GAB2: variants seen among roughly 807,000 people sequenced by gnomAD.
The protein encoded by GAB2 is GRB2 associated binding protein 2.
GAB2 carries 26 observed loss-of-function variants against 65.5 expected under a neutral mutation model. The ratio of observed to expected loss-of-function variants is 0.40; its 90% CI spans 0.29 to 0.55. The LOEUF is 0.55. GAB2 is among the 20% of genes least tolerant of loss of function. The pLI, the probability that GAB2 is intolerant of heterozygous loss-of-function variation, is 0.53. For synonymous variants in GAB2, 321 were observed against 329.6 expected (o/e 0.97, Z 0.28); for missense variants, 884 against 875.8 (o/e 1.01, Z -0.12).
intron 3 of GAB2, among the ~76,000 whole-genome samples, chr11:78,240,569 A>T (rs1314819155): frequency 6.6e-6 from 1 of 151,898 alleles, no homozygotes; most frequent in Non-Finnish European, 1.5e-5. Flanking sequence ...AGCCCAAAAC[A>T]CAGCTATACT....
chr11:78,261,750 T>C (rs1056476488), intron 2 of GAB2, among the ~76,000 whole-genome samples: 2 of 152,218 alleles, frequency 1.3e-5, no homozygotes, highest in African/African-American at 4.8e-5. Flanking sequence ...GGGTGGCCTA[T>C]GCTTTATGAG....
rs552832273 is a variant in GAB2 at position 78,290,628 on chromosome 11, C to T, written c.76-9727G>A. On this transcript the variant is annotated intron_variant, in intron 1 of 9. Coordinates refer to ENST00000361507, the MANE Select transcript of GAB2 (RefSeq NM_080491.3). The stretch of plus-strand genomic sequence containing the variant: ...CTCCCTTCTGGTGACAATGAAGGCC[C>T]GTGAAAGTTTATCACACCAGGATTC... Among the ~76,000 whole-genome samples, 14 of 152,198 alleles carry T rather than the reference C, an allele frequency of 9.2e-5. No homozygotes were observed. In the South Asian group the frequency reaches 2.9e-3, roughly 32 times the overall value.
At chr11:78,305,957 C>T (rs571599312) in intron 1 of GAB2, among the ~76,000 whole-genome samples, 1 of 152,160 alleles carries the variant, frequency 6.6e-6, no homozygotes, top group Non-Finnish European at 1.5e-5. Context: ...TGTCCTTAAT[C>T]CTTCTCTGAG....
At chr11:78,409,328 T>C (rs897811866) in intron 1 of GAB2, among the ~76,000 whole-genome samples, 1 of 152,160 alleles carries the variant, frequency 6.6e-6, no homozygotes, top group Non-Finnish European at 1.5e-5. Flanking sequence ...CTCATGTCTG[T>C]AATCCCAGCA....
At chr11:78,404,805 A>C (rs1229766823) in intron 1 of GAB2, among the ~76,000 whole-genome samples, 2 of 152,266 alleles carry the variant, frequency 1.3e-5, no homozygotes, top group African/African-American at 4.8e-5. Flanking sequence ...GGGTATAAAA[A>C]TACAGTTAGA....
chr11:78,363,945 G>C (rs1347775335), intron 1 of GAB2: 1 of 151,972 alleles, frequency 6.6e-6, no homozygotes, highest in Non-Finnish European at 1.5e-5. Context: ...AGATATACAA[G>C]CCCAGTGAAA....
Position 78,220,421 on chromosome 11 carries a change from G to A in GAB2, c.1785C>T (p.Pro595=), listed in dbSNP as rs759924376. Residue 595 remains proline (P), a synonymous_variant, in exon 9 of 10, where the codon CCC becomes CCT. Transcript: ENST00000361507. ...VPMQNPVSAS[P]VPSGTNSPAP... ...CAGGACTGTTCGTGCCACTGGGAACGGGAGATGCAGACACTGGGTTTTGCT... is the reference window on the plus strand; with the variant it reads ...CAGGACTGTTCGTGCCACTGGGAACAGGAGATGCAGACACTGGGTTTTGCT... 26 of 1,585,252 alleles carry A rather than the reference G, an allele frequency of 1.6e-5. No homozygotes were observed. The Middle Eastern group carries it at 5.0e-4, about 31-fold the overall frequency.
At chr11:78,362,792 A>G (rs1856450821) in intron 1 of GAB2, among the ~76,000 whole-genome samples, 1 of 152,202 alleles carries the variant, frequency 6.6e-6, no homozygotes, top group South Asian at 2.1e-4. Flanking sequence ...TACATAAAGC[A>G]TATACATTAC....
At chr11:78,332,093 G>T (rs1408867567) in intron 1 of GAB2, among the ~76,000 whole-genome samples, 1 of 152,132 alleles carries the variant, frequency 6.6e-6, no homozygotes, top group Non-Finnish European at 1.5e-5. Context: ...CTGTGGCGGG[G>T]AACAGAACAA....
At chr11:78,406,101 T>C (rs1857040657) in intron 1 of GAB2, among the ~76,000 whole-genome samples, 1 of 152,158 alleles carries the variant, frequency 6.6e-6, no homozygotes. Flanking sequence ...ATGATATGCA[T>C]ACCCAAAAAC....
At chr11:78,272,317 A>C (rs1294971415) in intron 2 of GAB2, among the ~76,000 whole-genome samples, 1 of 152,206 alleles carries the variant, frequency 6.6e-6, no homozygotes, top group Non-Finnish European at 1.5e-5. Flanking sequence ...AACTTCCTAG[A>C]GACTTGTGAA....
chr11:78,243,123 C>G (rs995529284), intron 3 of GAB2, among the ~76,000 whole-genome samples: 2 of 150,734 alleles, frequency 1.3e-5, no homozygotes, highest in Non-Finnish European at 3.0e-5. Flanking sequence ...GATCACACCA[C>G]CGTACTCTCC....
chr11:78,299,254 T>C (rs940278988), intron 1 of GAB2, among the ~76,000 whole-genome samples: 2 of 152,236 alleles, frequency 1.3e-5, no homozygotes, highest in African/African-American at 2.4e-5. Context: ...TGTGAACTTA[T>C]GGGGGAAAAT....
chr11:78,361,854 G>A (rs1219832755), intron 1 of GAB2, among the ~76,000 whole-genome samples: 1 of 151,450 alleles, frequency 6.6e-6, no homozygotes, highest in Non-Finnish European at 1.5e-5. Flanking sequence ...ACCAGGCAAT[G>A]CCAGAAACTT....
At chr11:78,296,785 C>T (rs115541888) in intron 1 of GAB2, among the ~76,000 whole-genome samples, 1 of 152,176 alleles carries the variant, frequency 6.6e-6, no homozygotes, top group African/African-American at 2.4e-5. Context: ...AAACAAAATA[C>T]CTCAGACTGT....
chr11:78,233,834 G>A (rs984833602), intron 3 of GAB2, among the ~76,000 whole-genome samples: 5 of 152,254 alleles, frequency 3.3e-5, no homozygotes, highest in South Asian at 2.1e-4. Flanking sequence ...GGCTGGTCTC[G>A]AACTCCTGGC....
intron 1 of GAB2, among the ~76,000 whole-genome samples, chr11:78,400,684 C>A (rs1047494776): frequency 6.6e-5 from 10 of 152,060 alleles, no homozygotes; most frequent in African/African-American, 2.4e-4. Flanking sequence ...AGGTAGATCA[C>A]TTGAGGCCAG....
chr11:78,234,385 G>C (rs1864931895), intron 3 of GAB2, among the ~76,000 whole-genome samples: 1 of 152,092 alleles, frequency 6.6e-6, no homozygotes, highest in Non-Finnish European at 1.5e-5. Context: ...GCCCAGCCTA[G>C]AAGTTTCGTA....
chr11:78,395,169 C>A (rs1856880115), intron 1 of GAB2, among the ~76,000 whole-genome samples: 1 of 152,206 alleles, frequency 6.6e-6, no homozygotes, highest in Admixed American at 6.5e-5. Flanking sequence ...AAAAAATCAA[C>A]CAGGCCAGGC....
Sources: gnomAD v4.1 joint callset for allele counts (sites outside exome capture counted in the v4.1 genomes callset) on GRCh38, gnomAD v4.1.1 for gene constraint, MANE v1.5 for transcripts, NCBI Gene and HGNC (gene_info 2026-07-23, HGNC 2026-07-21) for gene names.